The following PLXNC1 variants were observed in gnomAD, a reference collection of about 807,000 sequenced individuals.
The protein encoded by PLXNC1 is plexin-C1.
Under a neutral mutation model 178.2 loss-of-function variants are expected in PLXNC1, and 75 were observed. The ratio of observed to expected loss-of-function variants is 0.42; its 90% confidence interval spans 0.35 to 0.51. PLXNC1 has a LOEUF of 0.51. Among genes scored for constraint, PLXNC1 ranks in the 20% least tolerant of loss-of-function variants. PLXNC1 has a pLI of 0.02. For missense variants in PLXNC1, 1,503 were observed against 1,984.4 expected, an observed-to-expected ratio of 0.76 and a Z score of 4.61; for synonymous variants, 790 against 779.9, an observed-to-expected ratio of 1.01 and a Z score of -0.22.
At chr12:94,218,144 G>T (rs542819452) in intron 5 of PLXNC1, among the ~76,000 whole-genome samples, 3 of 152,314 alleles carry the variant, frequency 2.0e-5, no homozygotes, top group African/African-American at 7.2e-5. Flanking sequence ...GCATGAATGA[G>T]AGTTCAGGCA....
At position 94,306,682 on chromosome 12, in the gene PLXNC1, A is replaced by AT. The variant is rs1224323956; in HGVS notation, c.*1400dup. 6.6e-6 allele frequency: 1 copy of AT among 152,144 alleles called. No individual in the cohort carries two copies. The highest frequency in any genetic ancestry group is 1.5e-5 in the Non-Finnish European group (1 of 68,034). 9.4% of individuals were successfully genotyped at this position (152,144 alleles called of 1,614,324 possible). On this transcript the variant is annotated 3_prime_UTR_variant, in exon 31 of 31. Transcript: ENST00000258526. Reference sequence around the variant, plus strand: ...CATTGATCACATATTCCTTGAAATCATTTACCAACACTGTATGGAGCATTA... The same window carrying AT: ...CATTGATCACATATTCCTTGAAATCATTTTACCAACACTGTATGGAGCATTA...
At chr12:94,272,826 AGTGGGTTCT>A (rs1965661720) in intron 21 of PLXNC1, among the ~76,000 whole-genome samples, 1 of 152,228 alleles carries the variant, frequency 6.6e-6, no homozygotes, top group African/African-American at 2.4e-5. Context: ...CTCCAGATTC[AGTGGGTTCT>A]GTGGGGTTCA....
At chr12:94,183,053 T>C (rs145253011) in intron 3 of PLXNC1, among the ~76,000 whole-genome samples, 1 of 152,212 alleles carries the variant, frequency 6.6e-6, no homozygotes, top group Admixed American at 6.5e-5. Context: ...CTATGACCGT[T>C]TGAACATGGA....
At chr12:94,225,020 G>A (rs1396711085) in intron 7 of PLXNC1, among the ~76,000 whole-genome samples, 1 of 152,164 alleles carries the variant, frequency 6.6e-6, no homozygotes, top group Admixed American at 6.5e-5. Flanking sequence ...AGGACAAGGT[G>A]AAGTCCCTTT....
intron 1 of PLXNC1, among the ~76,000 whole-genome samples, chr12:94,162,460 C>T (rs1036194813): frequency 2.0e-5 from 3 of 152,128 alleles, no homozygotes; most frequent in African/African-American, 7.2e-5. Flanking sequence ...ATTCAATTCT[C>T]AGCATTGTGA....
In PLXNC1 at chr12:94,254,779, T is replaced by G. The variant is rs1167231461; in HGVS notation, c.2882-8T>G. ...ATGTCCCTCTGATGCAGCATCTCTGTCTCTTAGCGGCCGTGGGGGTGACCA... is the reference window on the plus strand; with the variant it reads ...ATGTCCCTCTGATGCAGCATCTCTGGCTCTTAGCGGCCGTGGGGGTGACCA... On this transcript the variant is annotated splice_region_variant and splice_polypyrimidine_tract_variant and intron_variant, in intron 15 of 30. Coordinates refer to ENST00000258526, the MANE Select transcript of PLXNC1 (RefSeq NM_005761.3). 2 of 1,579,962 alleles carry G rather than the reference T, an allele frequency of 1.3e-6. No homozygotes were observed. The highest frequency in any genetic ancestry group is 1.7e-6 in the Non-Finnish European group (2 of 1,167,730).
chr12:94,215,499 G>A (rs559943603), intron 5 of PLXNC1, among the ~76,000 whole-genome samples: 79 of 143,214 alleles, frequency 5.5e-4, no homozygotes, highest in African/African-American at 1.8e-3. Context: ...ACATATTTTG[G>A]AAAAAAAAAA....
chr12:94,212,374 G>A (rs957171943), intron 5 of PLXNC1, among the ~76,000 whole-genome samples: 2 of 151,530 alleles, frequency 1.3e-5, no homozygotes, highest in Non-Finnish European at 2.9e-5. Flanking sequence ...TGTGCACAAC[G>A]TGCAGTTTTG....
At chr12:94,226,849 C>A in intron 8 of PLXNC1, 142 bp downstream of exon 8, 1 of 654,028 alleles carries the variant, frequency 1.5e-6, no homozygotes, top group Admixed American at 2.4e-5. Context: ...CATGGCAAAA[C>A]CCTGCCTCTA....
chr12:94,248,054 C>T lies in PLXNC1; in HGVS notation c.2540C>T (p.Thr847Met), dbSNP rs751117319. Reference protein sequence around the residue: ...TLQYREDPRFTGYRVESEVDT... With the variant: ...TLQYREDPRFMGYRVESEVDT... ...CAGTATCGGGAGGACCCCAGATTCA[C>T]GGGGTATCGGGTGGAATCCGAGGTG... The change falls in exon 13 of 31, where the codon ACG becomes ATG. Residue 847 changes from threonine to methionine, a missense_variant. Physicochemically the swap from Thr to Met is moderately conservative, Grantham distance 81. Transcript: ENST00000258526. 1.7e-5 allele frequency: 27 copies of T among 1,613,816 alleles called. No homozygotes were observed. Among genetic ancestry groups the T allele is most frequent in the Admixed American group, 5.0e-5 (3 of 59,992 alleles).
In PLXNC1 at chr12:94,303,800, C is replaced by G; in HGVS notation, c.4431C>G (p.Thr1477=). The G allele has an allele frequency of 2.5e-6, 4 of 1,601,848 alleles. No individual in the cohort carries two copies. The highest frequency in any genetic ancestry group is 3.4e-6 in the Non-Finnish European group (4 of 1,174,362). Residue 1477 remains threonine, a synonymous_variant, in exon 29 of 31, where the codon ACC becomes ACG. Coordinates refer to ENST00000258526, the MANE Select transcript of PLXNC1 (RefSeq NM_005761.3). ...TTCTCTATGCCAAGGATATCCCAAC[C>G]TACAAAGAAGAAGTAAAATCTTATT... ...NKLLYAKDIP[T]YKEEVKSYYK... is the part of the protein sequence containing the mutation.
chr12:94,305,242 TAA>T lies in PLXNC1; in HGVS notation c.4667_4668del (p.Lys1556SerfsTer4), dbSNP rs1383134665. 6.2e-7 allele frequency: 1 copy of T among 1,611,436 alleles called. No homozygotes were observed. On this transcript the variant is annotated frameshift_variant, in exon 31 of 31. Coordinates refer to ENST00000258526, the MANE Select transcript of PLXNC1 (RefSeq NM_005761.3). LOFTEE classifies it high-confidence loss of function. ...GAAGCTCAGAAACAACTCTTGCATGTAAAAGTCTTATTTGATGAAAAGAAGAA... is the reference window on the plus strand; with the variant it reads ...GAAGCTCAGAAACAACTCTTGCATGTAAGTCTTATTTGATGAAAAGAAGAA...
At chr12:94,275,212 C>A (rs572397066) in intron 21 of PLXNC1, among the ~76,000 whole-genome samples, 90 of 152,330 alleles carry the variant, frequency 5.9e-4, no homozygotes, top group Non-Finnish European at 1.2e-3. Context: ...TGTTGTCCCA[C>A]AGATGATGCT....
At chr12:94,183,637 T>C (rs1487755258) in intron 3 of PLXNC1, among the ~76,000 whole-genome samples, 2 of 152,212 alleles carry the variant, frequency 1.3e-5, no homozygotes, top group African/African-American at 4.8e-5. Context: ...CTGTCTGAAA[T>C]ATTGCAAATA....
At chr12:94,259,979 G>C (rs1433006466) in intron 19 of PLXNC1, among the ~76,000 whole-genome samples, 1 of 151,912 alleles carries the variant, frequency 6.6e-6, no homozygotes, top group Non-Finnish European at 1.5e-5. Flanking sequence ...TTGGTATCTT[G>C]AGAACATGCA....
Position 94,297,074 on chromosome 12 carries a change from A to C in PLXNC1, c.3935-115A>C, listed in dbSNP as rs1293087403. The C allele has an allele frequency of 3.4e-5, 33 of 966,990 alleles. No homozygotes were observed. In the South Asian group the frequency reaches 4.6e-4, roughly 14 times the overall value. 59.9% of individuals were successfully genotyped at this position (966,990 alleles called of 1,614,324 possible). ...GTAGCTATGGAGAGCTCAAGTCAAA[A>C]AGCTCAAGTAACTTCAGTATACAGC... On this transcript the variant is annotated intron_variant, in intron 24 of 30. Transcript: ENST00000258526.
At chr12:94,161,506 GCTA>G (rs1204684531) in intron 1 of PLXNC1, among the ~76,000 whole-genome samples, 1 of 152,178 alleles carries the variant, frequency 6.6e-6, no homozygotes, top group Non-Finnish European at 1.5e-5. Flanking sequence ...GCTACCATCA[GCTA>G]CTTTTATTTG....
At chr12:94,247,291 A>G (rs1214287140) in intron 12 of PLXNC1, among the ~76,000 whole-genome samples, 1 of 151,706 alleles carries the variant, frequency 6.6e-6, no homozygotes, top group African/African-American at 2.4e-5. Context: ...CATGCTCTTC[A>G]TTTCATGGGA....
intron 23 of PLXNC1, among the ~76,000 whole-genome samples, chr12:94,284,069 C>CA (rs1438416328): frequency 1.6e-5 from 2 of 127,826 alleles, no homozygotes; most frequent in Non-Finnish European, 3.1e-5. Flanking sequence ...TGCGACAGAG[C>CA]AAGACTCCAT....
Sources: gnomAD v4.1 joint callset for allele counts (sites outside exome capture counted in the v4.1 genomes callset) on GRCh38, gnomAD v4.1.1 for gene constraint, MANE v1.5 for transcripts, NCBI Gene and HGNC (gene_info 2026-07-23, HGNC 2026-07-21) for gene names.